The following PCDHA6 variants were observed in gnomAD, a reference collection of about 807,000 sequenced individuals.
PCDHA6 encodes the protein protocadherin alpha 6, also known as protocadherin alpha-6.
In PCDHA6, 55 loss-of-function variants were observed where a neutral mutation model predicts 60.3. That is an observed-to-expected ratio of 0.91 (90% CI 0.73 to 1.14). The LOEUF (loss-of-function observed/expected upper bound fraction) is 1.14, where lower values mean the gene tolerates loss of function less well. Ranked by LOEUF, PCDHA6 falls within the 50% of genes most tolerant of loss-of-function variation. PCDHA6 has a pLI of 0.00. For synonymous variants in PCDHA6, 652 were observed against 557.9 expected (o/e 1.17, Z -2.38); for missense variants, 1,327 against 1,256.5 (o/e 1.06, Z -0.85).
At chr5:140,853,560 A>G in intron 1 of PCDHA6, 1 of 981,448 alleles carries the variant, frequency 1.0e-6, no homozygotes, top group Non-Finnish European at 1.2e-6. Flanking sequence ...ATATAGGAAA[A>G]ACTAAGTTGT....
At position 140,968,542 on chromosome 5, in the gene PCDHA6, G is replaced by A. The variant is rs782474856; in HGVS notation, c.2395-10407G>A. On this transcript the variant is annotated intron_variant, in intron 1 of 3. Transcript: ENST00000529310. ...CAACCAACTCGTCAGCAGCCTTCGA[G>A]ATGGTGCCTCGAACTGCCCCTGCTG... is the stretch of plus-strand genomic sequence containing the variant. The A allele has an allele frequency of 1.1e-5, 18 of 1,614,204 alleles. 2 individuals are homozygous for A. In the South Asian group the frequency reaches 2.0e-4, roughly 18 times the overall value.
At chr5:140,932,028 G>A (rs1299372751) in intron 1 of PCDHA6, among the ~76,000 whole-genome samples, 1 of 151,864 alleles carries the variant, frequency 6.6e-6, no homozygotes, top group South Asian at 2.1e-4. Flanking sequence ...TAAGTTTACA[G>A]TATATATTAA....
intron 1 of PCDHA6, among the ~76,000 whole-genome samples, chr5:140,902,516 G>C (rs1410717975): frequency 6.6e-6 from 1 of 151,990 alleles, no homozygotes; most frequent in Non-Finnish European, 1.5e-5. Context: ...GTCATATATG[G>C]TTTTTATTAT....
chr5:140,856,271 G>T lies in PCDHA6; in HGVS notation c.2394+25786G>T, dbSNP rs782472888. On this transcript the variant is annotated intron_variant, in intron 1 of 3. Coordinates refer to ENST00000529310, the MANE Select transcript of PCDHA6 (RefSeq NM_018909.4). ...GTCCAAAAGACACGGGGACCTTCTG[G>T]AGGTAAATCTGCAGAATGGCATTTT... 7 of 1,598,148 alleles carry T rather than the reference G, an allele frequency of 4.4e-6. 1 individual carries two copies. The highest frequency in any genetic ancestry group is 6.0e-6 in the Non-Finnish European group (7 of 1,167,948).
intron 1 of PCDHA6, among the ~76,000 whole-genome samples, chr5:140,937,540 C>T (rs2091570481): frequency 2.0e-5 from 3 of 152,116 alleles, no homozygotes; most frequent in East Asian, 3.9e-4. Flanking sequence ...TTGCTTGAAC[C>T]TGCGAGGCAG....
In PCDHA6 at chr5:141,011,084, C is replaced by T. The variant is rs928216799; in HGVS notation, c.*1147C>T. 1.3e-5 allele frequency: 2 copies of T among 153,722 alleles called. No homozygotes were observed. The highest frequency in any genetic ancestry group is 6.5e-5 in the Admixed American group (1 of 15,272). The allele number at this position is 153,722 out of a possible 1,614,324, so 9.5% of individuals were successfully genotyped here. A position where few individuals can be genotyped will look rare whatever the true frequency, so the allele number is the denominator to read the frequency against. ...CATGTATTACTAAATAAAATGATCT[C>T]TCTTTCTCTCTCTCTCTCTCTTTTC... On this transcript the variant is annotated 3_prime_UTR_variant, in exon 4 of 4. Coordinates refer to ENST00000529310, the MANE Select transcript of PCDHA6 (RefSeq NM_018909.4).
At chr5:140,912,694 G>A (rs1328426442) in intron 1 of PCDHA6, among the ~76,000 whole-genome samples, 1 of 152,090 alleles carries the variant, frequency 6.6e-6, no homozygotes, top group Non-Finnish European at 1.5e-5. Flanking sequence ...GGTCTCAGGG[G>A]GAATGCTTTC....
chr5:140,861,728 A>G (rs2047042358), intron 1 of PCDHA6: 1 of 191,386 alleles, frequency 5.2e-6, no homozygotes, highest in Non-Finnish European at 1.1e-5. Context: ...TGCTCTGATG[A>G]CTTACATACT....
chr5:140,882,022 A>G (rs2153382292), intron 1 of PCDHA6: 2 of 571,970 alleles, frequency 3.5e-6, no homozygotes, highest in Non-Finnish European at 5.6e-6. Flanking sequence ...TACTACATCA[A>G]TGGAAAATAT....
intron 1 of PCDHA6, chr5:140,858,182 A>T: frequency 6.3e-7 from 1 of 1,597,504 alleles, no homozygotes. Flanking sequence ...GCTGGTGCTC[A>T]CGCTGCTGCT....
At chr5:140,835,766 G>A in intron 1 of PCDHA6, 2 of 1,613,386 alleles carry the variant, frequency 1.2e-6, no homozygotes, top group Non-Finnish European at 1.7e-6. Context: ...CCGAGTATAC[G>A]GTGTTCGTGA....
chr5:140,862,768 G>A (rs1409687409), intron 1 of PCDHA6: 1 of 576,568 alleles, frequency 1.7e-6, no homozygotes, highest in Admixed American at 1.9e-5. Flanking sequence ...CAAGAGGTAC[G>A]CGTTGCAGCC....
chr5:140,847,199 C>A (rs2150397998), intron 1 of PCDHA6, among the ~76,000 whole-genome samples: 1 of 149,422 alleles, frequency 6.7e-6, no homozygotes, highest in Non-Finnish European at 1.5e-5. Context: ...AGGAATTTGG[C>A]CACTCTTTAG....
chr5:140,843,136 G>T (rs1554139779), intron 1 of PCDHA6: 3 of 1,596,026 alleles, frequency 1.9e-6, no homozygotes, highest in Non-Finnish European at 2.6e-6. Context: ...GCTACAACGC[G>T]TGGCTTTCGT....
chr5:140,861,875 G>A (rs536316247), intron 1 of PCDHA6: 3 of 156,086 alleles, frequency 1.9e-5, no homozygotes, highest in African/African-American at 7.2e-5. Context: ...TGGGGGCGAA[G>A]CTGAGCTGAC....
chr5:140,857,738 C>T, intron 1 of PCDHA6: 1 of 1,597,432 alleles, frequency 6.3e-7, no homozygotes, highest in Non-Finnish European at 8.6e-7. Flanking sequence ...CGCTCCCGCG[C>T]TGCTGGCGTC....
In PCDHA6 at chr5:140,830,353, G is replaced by A; in HGVS notation, c.2262G>A (p.Arg754=). ...AVGSWSYSQQ[R]RQRVCSGEGP... ...GGAGCTGGTCGTACTCGCAGCAGAG[G>A]CGGCAGAGGGTGTGCTCCGGGGAGG... The change falls in exon 1 of 4, where the codon AGG becomes AGA. Residue 754 remains arginine (R), a synonymous_variant. Transcript: ENST00000529310. 1 of 1,614,150 alleles carries A rather than the reference G, an allele frequency of 6.2e-7. No individual in the cohort carries two copies. Among genetic ancestry groups the A allele is most frequent in the Non-Finnish European group, 8.5e-7 (1 of 1,180,006 alleles).
chr5:140,905,851 A>G (rs1345912722), intron 1 of PCDHA6, among the ~76,000 whole-genome samples: 1 of 152,204 alleles, frequency 6.6e-6, no homozygotes, highest in Non-Finnish European at 1.5e-5. Context: ...ATTAAGGAGT[A>G]TTAACTCACA....
intron 1 of PCDHA6, among the ~76,000 whole-genome samples, chr5:140,903,538 C>G (rs562932214): frequency 7.9e-5 from 12 of 152,208 alleles, no homozygotes; most frequent in African/African-American, 2.6e-4. Context: ...TAAACTAGAG[C>G]AAGAAACTTT....
Sources: allele counts gnomAD v4.1 joint callset (sites outside exome capture counted in the v4.1 genomes callset), GRCh38; gene constraint gnomAD v4.1.1; transcripts MANE v1.5; gene names NCBI Gene and HGNC (gene_info 2026-07-23, HGNC 2026-07-21).